FHIT: variants seen among roughly 807,000 people sequenced by gnomAD.
The protein encoded by FHIT is bis(5'-adenosyl)-triphosphatase.
A neutral mutation model predicts 17.9 loss-of-function variants in FHIT; 19 were observed. That is an observed-to-expected ratio of 1.06 (90% CI 0.74 to 1.56). The LOEUF is 1.56. FHIT is among the 40% of genes most tolerant of loss of function. FHIT has a pLI of 0.00. For missense variants in FHIT, 248 were observed against 189.2 expected (o/e 1.31, Z -1.82); for synonymous variants, 81 against 69.7 (o/e 1.16, Z -0.81).
At chr3:60,648,420 TAAG>T in intron 4 of FHIT, among the ~76,000 whole-genome samples, 1 of 152,106 alleles carries the variant, frequency 6.6e-6, no homozygotes, top group East Asian at 1.9e-4. Flanking sequence ...GGTCTGGGCT[TAAG>T]AACAATTGTG....
intron 8 of FHIT, among the ~76,000 whole-genome samples, chr3:59,825,674 C>G (rs559041433): frequency 1.4e-4 from 22 of 152,300 alleles, no homozygotes; most frequent in Non-Finnish European, 4.4e-5. Flanking sequence ...GTTTATCTTA[C>G]ACATTACTGA....
At chr3:60,827,886 G>GTAAC (rs1415941066) in intron 3 of FHIT, among the ~76,000 whole-genome samples, 13 of 152,196 alleles carry the variant, frequency 8.5e-5, no homozygotes, top group Non-Finnish European at 1.9e-4. Flanking sequence ...GCTATTTTGG[G>GTAAC]TTGTCACAGG....
intron 5 of FHIT, among the ~76,000 whole-genome samples, chr3:60,297,037 A>C (rs777057635): frequency 6.6e-6 from 1 of 152,052 alleles, no homozygotes; most frequent in Non-Finnish European, 1.5e-5. Flanking sequence ...TGGTCATATA[A>C]ATATTACAAG....
At chr3:60,120,275 A>G (rs1478006808) in intron 5 of FHIT, among the ~76,000 whole-genome samples, 1 of 152,206 alleles carries the variant, frequency 6.6e-6, no homozygotes, top group Non-Finnish European at 1.5e-5. Flanking sequence ...AGTTTCCTCC[A>G]CAGAGATCAG....
chr3:60,162,897 T>C (rs1313220062), intron 5 of FHIT, among the ~76,000 whole-genome samples: 5 of 152,180 alleles, frequency 3.3e-5, no homozygotes, highest in East Asian at 1.9e-4. Flanking sequence ...CAAGACCTGA[T>C]AGAATCTTTC....
chr3:60,869,132 AC>A (rs1194499022), intron 3 of FHIT, among the ~76,000 whole-genome samples: 1 of 152,112 alleles, frequency 6.6e-6, no homozygotes, highest in East Asian at 1.9e-4. Context: ...ATTTTGAAAT[AC>A]CCCTAACACA....
In FHIT at chr3:60,925,589, C is replaced by T. The variant is rs189820240; in HGVS notation, c.-110-103578G>A. On this transcript the variant is annotated intron_variant, in intron 3 of 9. Coordinates refer to ENST00000492590, the MANE Select transcript of FHIT (RefSeq NM_002012.4). ...TAAACATGGAAAGGAACAACTGGTA[C>T]CAGCCACTGCAGAAATATACCAAAT... Among the ~76,000 whole-genome samples, 21 of 152,300 alleles carry T rather than the reference C, an allele frequency of 1.4e-4. No homozygotes were observed. In the South Asian group the frequency reaches 2.5e-3, roughly 18 times the overall value.
chr3:60,440,977 T>G (rs1559915102), intron 5 of FHIT, among the ~76,000 whole-genome samples: 3 of 152,114 alleles, frequency 2.0e-5, no homozygotes, highest in Non-Finnish European at 4.4e-5. Flanking sequence ...TATTATGAAC[T>G]TGTGTGATAT....
At chr3:60,282,149 AG>A (rs1707490818) in intron 5 of FHIT, among the ~76,000 whole-genome samples, 1 of 152,182 alleles carries the variant, frequency 6.6e-6, no homozygotes, top group Admixed American at 6.5e-5. Flanking sequence ...GCAGTAACCA[AG>A]TTCCTAAGCA....
At chr3:59,875,918 G>C (rs1703135778) in intron 8 of FHIT, among the ~76,000 whole-genome samples, 1 of 141,596 alleles carries the variant, frequency 7.1e-6, no homozygotes, top group Non-Finnish European at 1.5e-5. Context: ...CTCAGGATGA[G>C]AAACAACTCG....
At chr3:60,436,764 C>A (rs1312196102) in intron 5 of FHIT, among the ~76,000 whole-genome samples, 1 of 152,032 alleles carries the variant, frequency 6.6e-6, no homozygotes, top group Admixed American at 6.6e-5. Context: ...AAAGAGGTTT[C>A]TTTTTATTTC....
intron 8 of FHIT, among the ~76,000 whole-genome samples, chr3:59,875,736 T>C (rs1703123243): frequency 6.6e-6 from 1 of 152,134 alleles, no homozygotes; most frequent in Non-Finnish European, 1.5e-5. Context: ...GAGCTAACGA[T>C]GGCTTAACAA....
intron 5 of FHIT, among the ~76,000 whole-genome samples, chr3:60,142,540 C>T (rs1384195388): frequency 1.3e-5 from 2 of 152,046 alleles, no homozygotes; most frequent in Admixed American, 6.6e-5. Context: ...AGTCTGTTGT[C>T]CAGGCTGCAG....
chr3:60,350,961 C>T (rs1471026186), intron 5 of FHIT, among the ~76,000 whole-genome samples: 1 of 152,144 alleles, frequency 6.6e-6, no homozygotes, highest in African/African-American at 2.4e-5. Context: ...CCTACAGCCA[C>T]AAAGAAACGA....
At position 61,041,209 on chromosome 3, in the gene FHIT, C is replaced by A. The variant is rs1380174547; in HGVS notation, c.-111+838G>T. Among the ~76,000 whole-genome samples the A allele has an allele frequency of 2.6e-5, 4 of 152,056 alleles. No individual in the cohort carries two copies. The East Asian group carries it at 7.7e-4, about 29-fold the overall frequency. Reference sequence around the variant, plus strand: ...TCCTGGCCAACATGCGGAAACCCTGCCTCTACTAAAAATACAAAAATTAGC... The same window carrying A: ...TCCTGGCCAACATGCGGAAACCCTGACTCTACTAAAAATACAAAAATTAGC... On this transcript the variant is annotated intron_variant, in intron 3 of 9. Transcript: ENST00000492590.
At chr3:60,073,556 A>G (rs879286161) in intron 5 of FHIT, among the ~76,000 whole-genome samples, 2 of 152,148 alleles carry the variant, frequency 1.3e-5, no homozygotes, top group Non-Finnish European at 2.9e-5. Context: ...TATGTCTTCA[A>G]AAGAGACGCT....
intron 8 of FHIT, among the ~76,000 whole-genome samples, chr3:59,762,298 GA>G (rs1444379140): frequency 1.3e-5 from 2 of 152,188 alleles, no homozygotes; most frequent in African/African-American, 4.8e-5. Flanking sequence ...GGTAAACTGT[GA>G]AAAGTGAAAC....
chr3:60,453,507 T>C (rs1482482804), intron 5 of FHIT, among the ~76,000 whole-genome samples: 1 of 152,166 alleles, frequency 6.6e-6, no homozygotes, highest in Admixed American at 6.5e-5. Context: ...TCAAGGGAGA[T>C]GACTGACAAA....
At chr3:60,364,468 T>C (rs1037506900) in intron 5 of FHIT, among the ~76,000 whole-genome samples, 7 of 152,274 alleles carry the variant, frequency 4.6e-5, no homozygotes, top group African/African-American at 1.7e-4. Context: ...AATCTCAGCA[T>C]GCACCACTGT....
Sources: gnomAD v4.1 joint callset for allele counts (sites outside exome capture counted in the v4.1 genomes callset) on GRCh38, gnomAD v4.1.1 for gene constraint, MANE v1.5 for transcripts, NCBI Gene and HGNC (gene_info 2026-07-23, HGNC 2026-07-21) for gene names.